Variants in IGF2R observed in about 807,000 individuals in gnomAD.
IGF2R encodes insulin like growth factor 2 receptor, also known as cation-independent mannose-6-phosphate receptor.
IGF2R carries 91 observed loss-of-function variants against 270.6 expected under a neutral mutation model. The ratio of observed to expected loss-of-function variants is 0.34; its 90% confidence interval spans 0.28 to 0.40. IGF2R has a LOEUF of 0.40. Among genes scored for constraint, IGF2R ranks in the 10% least tolerant of loss-of-function variants. IGF2R has a pLI of 1.00. For missense variants in IGF2R, 2,805 were observed against 3,188.3 expected (o/e 0.88, Z 2.90); for synonymous variants, 1,316 against 1,258.9 (o/e 1.05, Z -0.96).
rs143752339 is a variant in IGF2R at position 160,109,194 on chromosome 6, T to G, written c.*4110T>G. On this transcript the variant is annotated 3_prime_UTR_variant, in exon 48 of 48. Transcript: ENST00000356956. ...GTTGTCACACCTGGGAGAGTGAAAA[T>G]GAGGGGCTCACAACCCAGGTGAGGT... 13 of 152,114 alleles carry G rather than the reference T, an allele frequency of 8.5e-5. No individual in the cohort carries two copies. Among genetic ancestry groups the G allele is most frequent in the African/African-American group, 2.9e-4 (12 of 41,476 alleles). The allele number at this position is 152,114 out of a possible 1,614,324, so 9.4% of individuals were successfully genotyped here.
intron 47 of IGF2R, 94 bp downstream of exon 47, chr6:160,103,909 C>T: frequency 1.3e-6 from 1 of 789,410 alleles, no homozygotes; most frequent in South Asian, 1.5e-5. Flanking sequence ...CCAAGGAAAG[C>T]AGTCACAGGC....
chr6:160,070,170 G>C, intron 31 of IGF2R, 112 bp downstream of exon 31: 6 of 1,015,210 alleles, frequency 5.9e-6, no homozygotes, highest in Non-Finnish European at 8.9e-6. Context: ...TCTAGAGCCT[G>C]GGATGATGCG....
rs761433835 is a variant in IGF2R at position 160,045,731 on chromosome 6, T to A, written c.1766-14T>A. The A allele has an allele frequency of 1.5e-5, 25 of 1,614,034 alleles. No individual in the cohort carries two copies. The East Asian group carries it at 5.6e-4, about 36-fold the overall frequency. On this transcript the variant is annotated splice_polypyrimidine_tract_variant and intron_variant, in intron 13 of 47. Coordinates refer to ENST00000356956, the MANE Select transcript of IGF2R (RefSeq NM_000876.4). ...AACGGATTAGTGATCCCCATCTCTT[T>A]TCCCCATTGACAGGTGATCTGGAAA... is the stretch of plus-strand genomic sequence containing the variant.
At chr6:160,045,665 A>G in intron 13 of IGF2R, 80 bp from the exon 14 acceptor site, 1 of 1,551,464 alleles carries the variant, frequency 6.4e-7, no homozygotes, top group Non-Finnish European at 8.9e-7. Flanking sequence ...TTCCAAGTCT[A>G]CTTCTAGCAG....
intron 6 of IGF2R, among the ~76,000 whole-genome samples, chr6:160,027,593 C>T (rs1404701707): frequency 6.6e-6 from 1 of 152,204 alleles, no homozygotes; most frequent in East Asian, 1.9e-4. Flanking sequence ...TAATGCCTAT[C>T]TTAAGGTGCC....
intron 1 of IGF2R, among the ~76,000 whole-genome samples, chr6:159,975,682 A>T (rs1029167085): frequency 7.7e-6 from 1 of 129,154 alleles, no homozygotes; most frequent in African/African-American, 2.8e-5. Flanking sequence ...TATTATATAT[A>T]TTTATATATA....
intron 1 of IGF2R, among the ~76,000 whole-genome samples, chr6:159,986,629 C>T (rs1763609473): frequency 6.6e-6 from 1 of 152,056 alleles, no homozygotes; most frequent in Non-Finnish European, 1.5e-5. Context: ...TGAGTGAAGA[C>T]GGTGTTTCCA....
At chr6:159,972,679 C>G (rs1241081884) in intron 1 of IGF2R, among the ~76,000 whole-genome samples, 2 of 152,240 alleles carry the variant, frequency 1.3e-5, no homozygotes, top group Non-Finnish European at 2.9e-5. Context: ...TGACCTTTGG[C>G]TCTGAGCACT....
intron 19 of IGF2R, 128 bp from the exon 20 acceptor site, chr6:160,056,296 C>G (rs111297293): frequency 2.5e-5 from 17 of 679,748 alleles, no homozygotes; most frequent in Admixed American, 8.5e-5. Context: ...AAGTGCCTAG[C>G]TTATTGGCTG....
At chr6:160,085,876 A>T (rs1473104650) in intron 41 of IGF2R, among the ~76,000 whole-genome samples, 1 of 152,182 alleles carries the variant, frequency 6.6e-6, no homozygotes, top group African/African-American at 2.4e-5. Context: ...GCCATACAGG[A>T]AGTGGCGCCC....
intron 22 of IGF2R, 70 bp downstream of exon 22, chr6:160,059,168 T>A: frequency 7.6e-7 from 1 of 1,314,250 alleles, no homozygotes; most frequent in Admixed American, 1.8e-5. Flanking sequence ...CCATGCACCT[T>A]CCTGAGTGTA....
intron 47 of IGF2R, among the ~76,000 whole-genome samples, chr6:160,104,389 A>G (rs1779565643): frequency 1.3e-5 from 2 of 151,520 alleles, no homozygotes; most frequent in South Asian, 4.2e-4. Context: ...GCCATCCCGA[A>G]CGCCTTCTGC....
intron 31 of IGF2R, 59 bp downstream of exon 31, chr6:160,070,117 A>ACCGCCCTGCACAT: frequency 1.3e-6 from 2 of 1,524,196 alleles, no homozygotes; most frequent in Non-Finnish European, 1.8e-6. Context: ...GCCCATGTGC[A>ACCGCCCTGCACAT]GGGCGGTGAG....
At chr6:159,980,575 G>A (rs559365618) in intron 1 of IGF2R, among the ~76,000 whole-genome samples, 1 of 152,348 alleles carries the variant, frequency 6.6e-6, no homozygotes, top group South Asian at 2.1e-4. Context: ...CTTCAAAGCA[G>A]GGGCTTTTCT....
At chr6:160,043,607 AT>A (rs1777996290) in intron 12 of IGF2R, among the ~76,000 whole-genome samples, 1 of 152,184 alleles carries the variant, frequency 6.6e-6, no homozygotes, top group South Asian at 2.1e-4. Context: ...AAGTGATTTT[AT>A]TTTATTTTTT....
chr6:160,054,769 A>G (rs1778274159), intron 19 of IGF2R, among the ~76,000 whole-genome samples: 1 of 152,124 alleles, frequency 6.6e-6, no homozygotes, highest in Non-Finnish European at 1.5e-5. Context: ...TACCAGGGTC[A>G]TGTGTTTTTG....
intron 37 of IGF2R, among the ~76,000 whole-genome samples, 193 bp downstream of exon 37, chr6:160,078,555 C>T (rs939929402): frequency 2.0e-5 from 3 of 152,188 alleles, no homozygotes; most frequent in East Asian, 1.9e-4. Flanking sequence ...GCCAACTCAG[C>T]GCAGCTGACA....
chr6:160,103,777 T>C lies in IGF2R; in HGVS notation c.7027T>C (p.Cys2343Arg). Residue 2343 changes from cysteine (C) to arginine (R), a missense_variant, in exon 47 of 48, where the codon TGT becomes CGT. Physicochemically the swap from Cys to Arg is radical, Grantham distance 180. This residue lies in a region of IGF2R where 1,851 missense variants were observed against 2,207.2 expected (regional missense o/e 0.84). Transcript: ENST00000356956. The stretch of plus-strand genomic sequence containing the variant: ...AGTGATAAGTAAGCTGACCACTTGC[T>C]GTAGGAGAAGTTCCAACGTGTCCTA... ...ETVISKLTTCCRRSSNVSYKY... is the reference protein window; with the variant it reads ...ETVISKLTTCRRRSSNVSYKY... 1 of 1,612,536 alleles carries C rather than the reference T, an allele frequency of 6.2e-7. No homozygotes were observed. The highest frequency in any genetic ancestry group is 2.2e-5 in the East Asian group (1 of 44,866).
At chr6:160,038,675 C>T (rs760488215) in intron 10 of IGF2R, among the ~76,000 whole-genome samples, 9 of 152,046 alleles carry the variant, frequency 5.9e-5, no homozygotes, top group East Asian at 5.8e-4. Flanking sequence ...GTTAGTTGAC[C>T]GGCAAGCTCA....
Sources: gnomAD v4.1 joint callset for allele counts (sites outside exome capture counted in the v4.1 genomes callset) on GRCh38, gnomAD v4.1.1 for gene constraint, gnomAD v4.1.1 regional missense constraint, MANE v1.5 for transcripts, NCBI Gene and HGNC (gene_info 2026-07-23, HGNC 2026-07-21) for gene names.